SDF4: variants seen among roughly 807,000 people sequenced by gnomAD.
The protein encoded by SDF4 is 45 kDa calcium-binding protein.
Under a neutral mutation model 34.2 loss-of-function variants are expected in SDF4, and 22 were observed. The ratio of observed to expected loss-of-function variants is 0.64; its 90% CI spans 0.46 to 0.92. SDF4 has a LOEUF of 0.92. SDF4 is among the 40% of genes least tolerant of loss of function. SDF4 has a pLI of 0.00. For synonymous variants in SDF4, 236 were observed against 203.1 expected (o/e 1.16, Z -1.38); for missense variants, 447 against 499.9 (o/e 0.89, Z 1.01).
chr1:1,228,618 G>T lies in SDF4; in HGVS notation c.155C>A (p.Pro52Gln). The T allele has an allele frequency of 1.2e-6, 2 of 1,613,268 alleles. No individual in the cohort carries two copies. The highest frequency in any genetic ancestry group is 1.7e-6 in the Non-Finnish European group (2 of 1,180,014). Reference sequence around the variant, plus strand: ...CAGCTTCACCCCGTTCAGGTGGTCTGGGGGCAGGATCTCATTCTCCTCCCT... The same window carrying T: ...CAGCTTCACCCCGTTCAGGTGGTCTTGGGGCAGGATCTCATTCTCCTCCCT... ...ANREENEILP[P>Q]DHLNGVKLEM... Residue 52 changes from proline to glutamine, a missense_variant, in exon 2 of 7, where the codon CCA (proline) becomes CAA (glutamine). Pro to Gln is a moderately conservative substitution (Grantham distance 76). Transcript: ENST00000360001.
chr1:1,222,767 C>T (rs888544040), intron 4 of SDF4, among the ~76,000 whole-genome samples: 45 of 152,264 alleles, frequency 3.0e-4, no homozygotes, highest in African/African-American at 1.1e-3. Flanking sequence ...TCCTGGGCGG[C>T]GCCTAGGTCA....
rs553378637 is a variant in SDF4 at position 1,230,462 on chromosome 1, A to AT, written c.-175+1429dup. Among the ~76,000 whole-genome samples, 864 of 143,890 alleles carry AT rather than the reference A, an allele frequency of 6.0e-3. 5 individuals carry two copies. The highest frequency in any genetic ancestry group is 0.015 in the African/African-American group (598 of 39,274). The allele number at this position is 143,890 out of a possible 152,430, so 94.4% of individuals were successfully genotyped here. A position where few individuals can be genotyped will look rare whatever the true frequency, so the allele number is the denominator to read the frequency against. ...ACCCTGGGTGAGGGGCTCATGTCTG[A>AT]TTTTTTTTTTTTTTCTGAGACAGAG... On this transcript the variant is annotated intron_variant, in intron 1 of 6. Transcript: ENST00000360001.
Position 1,228,436 on chromosome 1 carries a change from G to GACAA in SDF4, c.305+31_305+32insTTGT, listed in dbSNP as rs3831195. On this transcript the variant is annotated intron_variant, in intron 2 of 6. Transcript: ENST00000360001. ...ACACACAGGCGAGCGCACGCGGACA[G>GACAA]CCCCCCAGTCTGGGCACATGGCGGC... 5 of 1,568,628 alleles carry GACAA rather than the reference G, an allele frequency of 3.2e-6. No individual in the cohort carries two copies. The South Asian group carries it at 6.0e-5, about 19-fold the overall frequency.
rs148002594 is a variant in SDF4 at position 1,223,850 on chromosome 1, C to A, written c.424G>T (p.Val142Leu). Reference sequence around the variant, plus strand: ...ACAGTACCGTCCCCGTCAGGGTCCACGGCGCGGAAGTGTGTCTTGCTCTCC... The same window carrying A: ...ACAGTACCGTCCCCGTCAGGGTCCAAGGCGCGGAAGTGTGTCTTGCTCTCC... ...MEESKTHFRA[V>L]DPDGDGHVSW... is the part of the protein sequence containing the mutation. The change falls in exon 3 of 7, where the codon GTG (valine) becomes TTG (leucine). Residue 142 changes from valine (V) to leucine (L), a missense_variant. By Grantham distance (32) the Val-to-Leu change is conservative. Coordinates refer to ENST00000360001, the MANE Select transcript of SDF4 (RefSeq NM_016176.6). 5.0e-6 allele frequency: 8 copies of A among 1,600,964 alleles called. No homozygotes were observed. The highest frequency in any genetic ancestry group is 4.2e-6 in the Non-Finnish European group (5 of 1,178,346).
chr1:1,220,436 T>C (rs1649872062), intron 4 of SDF4: 1 of 1,174,964 alleles, frequency 8.5e-7, no homozygotes, highest in Admixed American at 3.7e-5. Context: ...CAGGGAGGGG[T>C]GGGAGGTCGC....
chr1:1,217,739 C>T lies in SDF4; in HGVS notation c.892-51G>A, dbSNP rs144630443. On this transcript the variant is annotated intron_variant, in intron 6 of 6. Coordinates refer to ENST00000360001, the MANE Select transcript of SDF4 (RefSeq NM_016176.6). The surrounding 1 kb of genome is among the most constrained non-coding windows in gnomAD (Gnocchi z 8.5). The stretch of plus-strand genomic sequence containing the variant: ...GCGTCGCCTTTCCCCCTCCGAGCTC[C>T]GCGGCCAGCCGCACGAAGTGGCTAT... 2.2e-5 allele frequency: 35 copies of T among 1,609,560 alleles called. No individual in the cohort carries two copies. The highest frequency in any genetic ancestry group is 6.7e-5 in the Admixed American group (4 of 59,830).
At chr1:1,230,083 G>T (rs1437466057) in intron 1 of SDF4, among the ~76,000 whole-genome samples, 2 of 152,216 alleles carry the variant, frequency 1.3e-5, no homozygotes, top group Admixed American at 6.5e-5. Flanking sequence ...GGGAACTCGG[G>T]GTCCTTCTCA....
At chr1:1,222,231 C>T (rs956276742) in intron 4 of SDF4, among the ~76,000 whole-genome samples, 4 of 152,228 alleles carry the variant, frequency 2.6e-5, no homozygotes, top group African/African-American at 9.6e-5. Flanking sequence ...CACGGAGCCC[C>T]AGGGTGGCAG....
intron 4 of SDF4, chr1:1,220,626 C>A: frequency 7.8e-7 from 1 of 1,289,138 alleles, no homozygotes; most frequent in South Asian, 1.2e-5. Context: ...GCATGGGGAC[C>A]CCCAAAACGC....
Position 1,218,705 on chromosome 1 carries a change from ATGCCCGGC to A in SDF4, c.715+56_715+63del. On this transcript the variant is annotated intron_variant, in intron 5 of 6. Transcript: ENST00000360001. This position sits in a 1 kb window ranked among gnomAD's most constrained non-coding sequence, Gnocchi z 7.9. Reference sequence around the variant, plus strand: ...CAGGACCTGCCCCGACCTCCCGACGATGCCCGGCCCCTGCCAGTCGGTCCTGGGTCCTG... The same window carrying A: ...CAGGACCTGCCCCGACCTCCCGACGACCCTGCCAGTCGGTCCTGGGTCCTG... 1 of 1,611,310 alleles carries A rather than the reference ATGCCCGGC, an allele frequency of 6.2e-7. No individual in the cohort carries two copies. The highest frequency in any genetic ancestry group is 8.5e-7 in the Non-Finnish European group (1 of 1,178,580).
chr1:1,218,399 C>A lies in SDF4; in HGVS notation c.891+59G>T. 1.3e-6 allele frequency: 2 copies of A among 1,555,954 alleles called. No individual in the cohort carries two copies. Among genetic ancestry groups the A allele is most frequent in the Non-Finnish European group, 1.7e-6 (2 of 1,151,164 alleles). ...CTGCCTCAGGCCCAGATCCACCAGC[C>A]CCTCCCGCCACAGCACCTCGCAGGG... On this transcript the variant is annotated intron_variant, in intron 6 of 6. Coordinates refer to ENST00000360001, the MANE Select transcript of SDF4 (RefSeq NM_016176.6). This position sits in a 1 kb window ranked among gnomAD's most constrained non-coding sequence, Gnocchi z 7.9.
intron 2 of SDF4, among the ~76,000 whole-genome samples, chr1:1,225,556 C>A (rs1334521918): frequency 2.0e-5 from 3 of 152,208 alleles, no homozygotes; most frequent in Non-Finnish European, 4.4e-5. Context: ...GCCTGGGAGG[C>A]ACCCTCAGCT....
rs1649705119 is a variant in SDF4 at position 1,218,827 on chromosome 1, G to A, written c.657C>T (p.His219=). 2 of 1,603,618 alleles carry A rather than the reference G, an allele frequency of 1.2e-6. No individual in the cohort carries two copies. Among genetic ancestry groups the A allele is most frequent in the African/African-American group, 1.3e-5 (1 of 74,722 alleles). Residue 219 remains histidine, a synonymous_variant, in exon 5 of 7, where the codon CAC becomes CAT. Coordinates refer to ENST00000360001, the MANE Select transcript of SDF4 (RefSeq NM_016176.6). The surrounding 1 kb of genome is among the most constrained non-coding windows in gnomAD (Gnocchi z 7.9). ...TGAGCATTCCCCGGCTGTGCTCGGGGTGGAGGAACGACAGGAACTCCTCCT... is the reference window on the plus strand; with the variant it reads ...TGAGCATTCCCCGGCTGTGCTCGGGATGGAGGAACGACAGGAACTCCTCCT... ...LTEEEFLSFL[H]PEHSRGMLRF... is the part of the protein sequence containing the mutation.
In SDF4 at chr1:1,223,950, G is replaced by T; in HGVS notation, c.324C>A (p.Asp108Glu). 6.2e-7 allele frequency: 1 copy of T among 1,611,188 alleles called. No individual in the cohort carries two copies. Among genetic ancestry groups the T allele is most frequent in the Non-Finnish European group, 8.5e-7 (1 of 1,179,862 alleles). ...VIFSKVDVNTDRKISAKEMQR... is the reference protein window; with the variant it reads ...VIFSKVDVNTERKISAKEMQR... ...GCATCTCCTTGGCACTGATCTTCCG[G>T]TCAGTGTTCACATCCACCCTGCAAG... Residue 108 changes from aspartate (D) to glutamate (E), a missense_variant, in exon 3 of 7, where the codon GAC becomes GAA. Transcript: ENST00000360001.
At chr1:1,221,003 C>G (rs1649918716) in intron 4 of SDF4, 1 of 349,018 alleles carries the variant, frequency 2.9e-6, no homozygotes, top group Non-Finnish European at 5.7e-6. Flanking sequence ...GCCTGTAATC[C>G]CGGCATGCTG....
rs577171578 is a variant in SDF4 at position 1,219,934 on chromosome 1, A to G, written c.557-1007T>C. The G allele has an allele frequency of 5.1e-6, 5 of 984,842 alleles. No homozygotes were observed. In the East Asian group the frequency reaches 4.6e-4, roughly 90 times the overall value. The allele number at this position is 984,842 out of a possible 1,614,324, so 61.0% of individuals were successfully genotyped here. On this transcript the variant is annotated intron_variant, in intron 4 of 6. Transcript: ENST00000360001. ...TCTTATCCCTTTCTGAACAACCTCC[A>G]TCTACACGACCGGTTCACTTAAAGG...
intron 4 of SDF4, 167 bp downstream of exon 4, chr1:1,223,077 G>A (rs909866131): frequency 4.4e-5 from 27 of 607,134 alleles, no homozygotes; most frequent in African/African-American, 2.6e-4. Flanking sequence ...ACGTACTCAC[G>A]AGCACGCGCA....
chr1:1,223,177 C>T (rs748486764), intron 4 of SDF4, 67 bp downstream of exon 4: 23 of 1,097,200 alleles, frequency 2.1e-5, no homozygotes, highest in African/African-American at 3.2e-5. Flanking sequence ...CACTCATGTA[C>T]ACACAACACA....
intron 4 of SDF4, chr1:1,220,059 C>T (rs1649830847): frequency 2.0e-6 from 2 of 986,220 alleles, no homozygotes; most frequent in African/African-American, 1.7e-5. Flanking sequence ...GAGACCCATC[C>T]AGGAGAGGCA....
Sources: allele counts gnomAD v4.1 joint callset (sites outside exome capture counted in the v4.1 genomes callset), GRCh38; gene constraint gnomAD v4.1.1; non-coding constraint Gnocchi (gnomAD v3.1); transcripts MANE v1.5; gene names NCBI Gene and HGNC (gene_info 2026-07-23, HGNC 2026-07-21).